HNF1B: variants seen among roughly 807,000 people sequenced by gnomAD.
HNF1B encodes hepatocyte nuclear factor 1-beta.
HNF1B carries 8 observed loss-of-function variants against 61.7 expected under a neutral mutation model. The ratio of observed to expected loss-of-function variants is 0.13; its 90% CI spans 0.08 to 0.23. The LOEUF (loss-of-function observed/expected upper bound fraction) is 0.23, where lower values mean the gene tolerates loss of function less well. HNF1B is among the 10% of genes least tolerant of loss of function. The pLI is 1.00. For synonymous variants in HNF1B, 314 were observed against 287.7 expected, an observed-to-expected ratio of 1.09 and a Z score of -0.93; for missense variants, 562 against 714.5, an observed-to-expected ratio of 0.79 and a Z score of 2.43.
chr17:37,738,388 T>C (rs930888693), intron 2 of HNF1B, among the ~76,000 whole-genome samples: 2 of 152,142 alleles, frequency 1.3e-5, no homozygotes, highest in African/African-American at 4.8e-5. Context: ...AAACAATCAC[T>C]TCAGAGCAGT....
chr17:37,716,576 T>C (rs1285731037), intron 4 of HNF1B, among the ~76,000 whole-genome samples: 1 of 152,178 alleles, frequency 6.6e-6, no homozygotes, highest in African/African-American at 2.4e-5. Flanking sequence ...ACTCTGGTGA[T>C]TTTTAGGCTG....
intron 1 of HNF1B, among the ~76,000 whole-genome samples, chr17:37,744,167 C>T (rs2147596698): frequency 6.6e-6 from 1 of 152,370 alleles, no homozygotes; most frequent in South Asian, 2.1e-4. Context: ...CTTGCAGCGG[C>T]GCGAGGCTCT....
intron 4 of HNF1B, among the ~76,000 whole-genome samples, chr17:37,723,229 C>A (rs181972320): frequency 1.3e-5 from 2 of 151,712 alleles, no homozygotes. Flanking sequence ...CGCCTGTAGT[C>A]CCAGCTACTC....
chr17:37,697,683 T>C (rs1372324789), intron 8 of HNF1B, among the ~76,000 whole-genome samples: 1 of 152,182 alleles, frequency 6.6e-6, no homozygotes, highest in Non-Finnish European at 1.5e-5. Context: ...GATAAATGTT[T>C]TCCCTGCCCA....
At chr17:37,705,488 C>T (rs2158254) in intron 5 of HNF1B, among the ~76,000 whole-genome samples, 80,056 of 151,982 alleles carry the variant, frequency 0.53, 22,625 homozygotes, top group African/African-American at 0.74. Flanking sequence ...TTAGCCATTA[C>T]AAGGTTTCTC....
chr17:37,699,518 G>A (rs2032495186), intron 7 of HNF1B, among the ~76,000 whole-genome samples: 1 of 152,196 alleles, frequency 6.6e-6, no homozygotes, highest in African/African-American at 2.4e-5. Flanking sequence ...CATGCAGGGA[G>A]GCAGGTTATT....
At chr17:37,736,920 C>T (rs539490154) in intron 2 of HNF1B, among the ~76,000 whole-genome samples, 3 of 152,352 alleles carry the variant, frequency 2.0e-5, no homozygotes, top group African/African-American at 7.2e-5. Flanking sequence ...CCACCAACAA[C>T]TCTTCTCTAC....
In HNF1B at chr17:37,696,623, A is replaced by G. The variant is rs370983671; in HGVS notation, c.1653+2453T>C. ...TGCTTCCTGTGCAGCCTGCAGAACC[A>G]TGAGCCTTTGAACCTCTTTTACCCA... On this transcript the variant is annotated intron_variant, in intron 8 of 8. Transcript: ENST00000617811. Among the ~76,000 whole-genome samples, 53 of 152,302 alleles carry G rather than the reference A, an allele frequency of 3.5e-4. No homozygotes were observed. In the South Asian group the frequency reaches 0.011, roughly 31 times the overall value.
intron 2 of HNF1B, among the ~76,000 whole-genome samples, chr17:37,737,790 G>C (rs142179914): frequency 4.6e-5 from 7 of 152,044 alleles, no homozygotes; most frequent in Non-Finnish European, 5.9e-5. Context: ...AGCCAAGATC[G>C]CGCCACTGCA....
chr17:37,716,005 G>A (rs564148590), intron 4 of HNF1B, among the ~76,000 whole-genome samples: 12 of 152,086 alleles, frequency 7.9e-5, no homozygotes, highest in East Asian at 1.9e-4. Context: ...GGTGGTACGC[G>A]CATTAGCTAG....
rs1361889365 is a variant in HNF1B, at chr17:37,731,845, AG to A, written c.810-16del. 3 of 632,360 alleles carry A rather than the reference AG, an allele frequency of 4.7e-6. No homozygotes were observed. The highest frequency in any genetic ancestry group is 8.0e-6 in the Non-Finnish European group (3 of 375,446). The allele number at this position is 632,360 out of a possible 1,614,324, so 39.2% of individuals were successfully genotyped here. On this transcript the variant is annotated splice_polypyrimidine_tract_variant and intron_variant, in intron 3 of 8. Coordinates refer to ENST00000617811, the MANE Select transcript of HNF1B (RefSeq NM_000458.4). ...AACATTCTGCCCTGGGAATGGATGG[AG>A]GGGAGATGGTGAGTGAGGGGGGGCG...
intron 4 of HNF1B, among the ~76,000 whole-genome samples, chr17:37,713,677 C>T (rs1365446157): frequency 6.6e-6 from 1 of 152,188 alleles, no homozygotes; most frequent in Non-Finnish European, 1.5e-5. Context: ...GGGTGAGCAC[C>T]AGCTTCCTCA....
chr17:37,730,290 T>C (rs933269922), intron 4 of HNF1B: 1 of 152,704 alleles, frequency 6.5e-6, no homozygotes. Context: ...CTCAGAACCC[T>C]GCTTTGAATT....
At chr17:37,703,393 G>A (rs2147453450) in intron 6 of HNF1B, among the ~76,000 whole-genome samples, 1 of 146,470 alleles carries the variant, frequency 6.8e-6, no homozygotes, top group South Asian at 2.2e-4. Flanking sequence ...CTAGCCCCAG[G>A]GAAAATTTTA....
rs117382645 is a variant in HNF1B at position 37,689,778 on chromosome 17, G to C, written c.1654-2386C>G. ...TTTATCGACATCCTACTGTGTGCCA[G>C]GCACCATACCAAGGGCTTCACAAGC... On this transcript the variant is annotated intron_variant, in intron 8 of 8. Coordinates refer to ENST00000617811, the MANE Select transcript of HNF1B (RefSeq NM_000458.4). 3.1e-3 allele frequency among the ~76,000 whole-genome samples: 469 copies of C among 152,324 alleles called. 2 individuals carry two copies. The highest frequency in any genetic ancestry group is 5.5e-3 in the Non-Finnish European group (373 of 68,032).
At chr17:37,705,142 G>T in intron 5 of HNF1B, 93 bp from the exon 6 acceptor site, 1 of 1,287,086 alleles carries the variant, frequency 7.8e-7, no homozygotes, top group Non-Finnish European at 1.1e-6. Context: ...TCCTTGGCAT[G>T]ACTAGTTCTC....
chr17:37,717,550 A>G (rs951127861), intron 4 of HNF1B, among the ~76,000 whole-genome samples: 1 of 152,196 alleles, frequency 6.6e-6, no homozygotes, highest in South Asian at 2.1e-4. Flanking sequence ...TATGAAGCCA[A>G]ATCATTATGT....
intron 8 of HNF1B, 117 bp downstream of exon 8, chr17:37,698,959 G>A: frequency 1.2e-6 from 1 of 829,476 alleles, no homozygotes; most frequent in East Asian, 2.4e-5. Flanking sequence ...CAAACAACAG[G>A]GAGCCTCAGA....
At chr17:37,736,086 TGCTTTA>T in intron 2 of HNF1B, among the ~76,000 whole-genome samples, 1 of 152,366 alleles carries the variant, frequency 6.6e-6, no homozygotes, top group African/African-American at 2.4e-5. Flanking sequence ...CTTTTCAAAG[TGCTTTA>T]GCCCCTCTAT....
Sources: allele counts gnomAD v4.1 joint callset (sites outside exome capture counted in the v4.1 genomes callset), GRCh38; gene constraint gnomAD v4.1.1; transcripts MANE v1.5; gene names NCBI Gene and HGNC (gene_info 2026-07-23, HGNC 2026-07-21).